Variants in MAGI2 observed in about 807,000 individuals in gnomAD.
MAGI2 encodes the protein membrane-associated guanylate kinase, WW and PDZ domain-containing protein 2.
A neutral mutation model predicts 133.3 loss-of-function variants in MAGI2; 35 were observed. The observed-to-expected ratio is 0.26, with a 90% confidence interval of 0.20 to 0.35. The LOEUF is 0.35. MAGI2 is among the 10% of genes least tolerant of loss of function. The pLI is 1.00. For synonymous variants in MAGI2, 729 were observed against 710.6 expected, an observed-to-expected ratio of 1.03 and a Z score of -0.41; for missense variants, 1,636 against 1,863.4, an observed-to-expected ratio of 0.88 and a Z score of 2.25.
intron 21 of MAGI2, among the ~76,000 whole-genome samples, chr7:78,026,761 G>A (rs1046962566): frequency 2.6e-4 from 39 of 152,294 alleles, no homozygotes; most frequent in African/African-American, 8.2e-4. Context: ...GGGTGTTTCC[G>A]AAAGCCATGA....
intron 1 of MAGI2, among the ~76,000 whole-genome samples, chr7:79,367,049 TAAG>T (rs1284729014): frequency 1.3e-5 from 2 of 152,216 alleles, no homozygotes; most frequent in Non-Finnish European, 2.9e-5. Flanking sequence ...CATAGACTGC[TAAG>T]AAGGCTGAGG....
chr7:78,498,420 C>A (rs1039083653), intron 5 of MAGI2, among the ~76,000 whole-genome samples: 9 of 152,116 alleles, frequency 5.9e-5, no homozygotes, highest in African/African-American at 1.9e-4. Context: ...CATAAGAATT[C>A]TTTGTCATAG....
intron 3 of MAGI2, among the ~76,000 whole-genome samples, chr7:78,594,664 G>A (rs1026281210): frequency 6.6e-6 from 1 of 152,136 alleles, no homozygotes; most frequent in African/African-American, 2.4e-5. Flanking sequence ...CACCATGTTG[G>A]CCAGGATGGT....
chr7:79,400,783 TG>T (rs1295401195), intron 1 of MAGI2, among the ~76,000 whole-genome samples: 1 of 152,144 alleles, frequency 6.6e-6, no homozygotes, highest in East Asian at 1.9e-4. Flanking sequence ...ACTATAGTTA[TG>T]TGGTATGTCC....
intron 2 of MAGI2, among the ~76,000 whole-genome samples, chr7:78,873,444 C>T (rs1048365713): frequency 1.3e-5 from 2 of 152,108 alleles, no homozygotes; most frequent in South Asian, 4.2e-4. Flanking sequence ...AGCGTGAACC[C>T]TGTTGTGAAC....
chr7:79,263,332 C>T (rs1490653607), intron 1 of MAGI2, among the ~76,000 whole-genome samples: 2 of 152,142 alleles, frequency 1.3e-5, no homozygotes, highest in Non-Finnish European at 2.9e-5. Context: ...AATCCTATTT[C>T]ACCGGTATGA....
intron 6 of MAGI2, among the ~76,000 whole-genome samples, chr7:78,381,670 T>C (rs1348693575): frequency 6.6e-6 from 1 of 152,110 alleles, no homozygotes; most frequent in Non-Finnish European, 1.5e-5. Flanking sequence ...TCACAAAAAG[T>C]ATATGCAAAT....
At chr7:78,567,717 A>G (rs1213328945) in intron 3 of MAGI2, among the ~76,000 whole-genome samples, 2 of 152,116 alleles carry the variant, frequency 1.3e-5, no homozygotes, top group African/African-American at 2.4e-5. Flanking sequence ...GGATCATTTC[A>G]ATCACATATA....
At chr7:78,482,391 C>T (rs1276201363) in intron 6 of MAGI2, among the ~76,000 whole-genome samples, 2 of 151,866 alleles carry the variant, frequency 1.3e-5, no homozygotes, top group African/African-American at 4.8e-5. Context: ...AGCAATTGCA[C>T]TCTTGGGTTC....
intron 10 of MAGI2, among the ~76,000 whole-genome samples, chr7:78,210,537 G>A (rs1261239566): frequency 6.6e-6 from 1 of 152,136 alleles, no homozygotes; most frequent in East Asian, 1.9e-4. Context: ...AGGTGCCTTT[G>A]GGAGTATGGG....
At chr7:78,421,734 A>G (rs1349498333) in intron 6 of MAGI2, among the ~76,000 whole-genome samples, 1 of 151,996 alleles carries the variant, frequency 6.6e-6, no homozygotes, top group African/African-American at 2.4e-5. Flanking sequence ...AGGCTGGGAG[A>G]TTGAGGCTGC....
At chr7:78,347,259 G>GTCCC (rs1791017939) in intron 7 of MAGI2, 2 of 152,324 alleles carry the variant, frequency 1.3e-5, no homozygotes, top group Non-Finnish European at 1.5e-5. Flanking sequence ...GACAGAAGCA[G>GTCCC]CAACATCTCA....
intron 2 of MAGI2, among the ~76,000 whole-genome samples, chr7:78,904,851 T>C (rs1453402533): frequency 6.6e-6 from 1 of 152,208 alleles, no homozygotes; most frequent in African/African-American, 2.4e-5. Context: ...ACAAAAGTTT[T>C]AGGAGAAAGA....
chr7:78,191,503 G>A (rs1390094029), intron 12 of MAGI2, among the ~76,000 whole-genome samples: 2 of 152,168 alleles, frequency 1.3e-5, no homozygotes, highest in East Asian at 3.9e-4. Flanking sequence ...AATGAGCAGA[G>A]GTTATTTTTC....
intron 9 of MAGI2, among the ~76,000 whole-genome samples, chr7:78,262,824 T>G (rs938245117): frequency 1.4e-4 from 21 of 152,278 alleles, no homozygotes; most frequent in African/African-American, 4.8e-4. Context: ...TTTTTAAAAT[T>G]TCAACTTTTA....
chr7:78,636,823 C>A (rs1809712323), intron 2 of MAGI2, among the ~76,000 whole-genome samples: 1 of 151,814 alleles, frequency 6.6e-6, no homozygotes, highest in Non-Finnish European at 1.5e-5. Context: ...CAAAACCAAA[C>A]AAACAAAAAC....
intron 3 of MAGI2, among the ~76,000 whole-genome samples, chr7:78,611,575 T>A (rs1188954582): frequency 6.6e-6 from 1 of 152,208 alleles, no homozygotes; most frequent in Non-Finnish European, 1.5e-5. Flanking sequence ...ATTGTTGTTT[T>A]TGCTGAAAAT....
chr7:79,001,652 T>G (rs1297172099), intron 2 of MAGI2, among the ~76,000 whole-genome samples: 1 of 152,214 alleles, frequency 6.6e-6, no homozygotes, highest in East Asian at 1.9e-4. Flanking sequence ...ATGCAATCAT[T>G]ATGCTCAGTA....
At chr7:78,642,688 T>C (rs553940302) in intron 2 of MAGI2, among the ~76,000 whole-genome samples, 30 of 152,352 alleles carry the variant, frequency 2.0e-4, no homozygotes, top group African/African-American at 6.5e-4. Context: ...CTAATACTTA[T>C]TGAGCTCTGA....
Sources: allele counts gnomAD v4.1 joint callset (sites outside exome capture counted in the v4.1 genomes callset), GRCh38; gene constraint gnomAD v4.1.1; transcripts MANE v1.5; gene names NCBI Gene and HGNC (gene_info 2026-07-23, HGNC 2026-07-21).